FGGY: variants seen among roughly 807,000 people sequenced by gnomAD.
The protein encoded by FGGY is FGGY carbohydrate kinase domain containing, also known as FGGY carbohydrate kinase domain-containing protein.
A neutral mutation model predicts 71.3 loss-of-function variants in FGGY; 72 were observed. That is an observed-to-expected ratio of 1.01 (90% confidence interval 0.84 to 1.23). FGGY has a LOEUF of 1.23. FGGY is among the 50% of genes most tolerant of loss of function. The pLI, the probability that FGGY is intolerant of heterozygous loss-of-function variation, is 0.00. For synonymous variants in FGGY, 251 were observed against 250.3 expected, an observed-to-expected ratio of 1.00 and a Z score of -0.02; for missense variants, 668 against 682.3, an observed-to-expected ratio of 0.98 and a Z score of 0.23.
Position 59,638,349 on chromosome 1 carries a change from T to G in FGGY, c.1195T>G (p.Leu399Val), listed in dbSNP as rs1367893767. 1 of 1,614,242 alleles carries G rather than the reference T, an allele frequency of 6.2e-7. No individual in the cohort carries two copies. Among genetic ancestry groups the G allele is most frequent in the Admixed American group, 1.7e-5 (1 of 60,030 alleles). Residue 399 changes from leucine (L) to valine (V), a missense_variant, in exon 11 of 16, where the codon TTA becomes GTA. Transcript: ENST00000303721. Reference sequence around the variant, plus strand: ...AGATTTCCATGGCAACCGGTCTCCCTTAGCAGATCTGACACTAAAGGGCAT... The same window carrying G: ...AGATTTCCATGGCAACCGGTCTCCCGTAGCAGATCTGACACTAAAGGGCAT... ...WPDFHGNRSPLADLTLKGMVT... is the reference protein window; with the variant it reads ...WPDFHGNRSPVADLTLKGMVT...
intron 5 of FGGY, among the ~76,000 whole-genome samples, chr1:59,431,484 T>C (rs2067349965): frequency 6.6e-6 from 1 of 152,234 alleles, no homozygotes. Flanking sequence ...TACACTTCTG[T>C]ATTATTAGGC....
chr1:59,463,842 T>C (rs1475605757), intron 6 of FGGY, among the ~76,000 whole-genome samples: 2 of 152,124 alleles, frequency 1.3e-5, no homozygotes, highest in South Asian at 4.1e-4. Flanking sequence ...GTGCCCAATA[T>C]AGGAGCACCC....
chr1:59,726,962 T>A (rs1408010087), intron 14 of FGGY, among the ~76,000 whole-genome samples: 1 of 152,182 alleles, frequency 6.6e-6, no homozygotes. Flanking sequence ...TGTGTGATGC[T>A]AAGGTTTGGG....
intron 6 of FGGY, among the ~76,000 whole-genome samples, chr1:59,480,138 C>G (rs1219257074): frequency 6.6e-6 from 1 of 152,210 alleles, no homozygotes; most frequent in Non-Finnish European, 1.5e-5. Context: ...ATCCTGAACA[C>G]TGCAGCCAGC....
chr1:59,634,142 C>A (rs1278348730), intron 10 of FGGY, among the ~76,000 whole-genome samples: 2 of 152,174 alleles, frequency 1.3e-5, no homozygotes, highest in African/African-American at 4.8e-5. Context: ...TGCAGTGGCT[C>A]ACACCTATAA....
intron 5 of FGGY, among the ~76,000 whole-genome samples, chr1:59,414,073 GT>G (rs1327152322): frequency 2.0e-4 from 31 of 152,344 alleles, no homozygotes; most frequent in Admixed American, 1.9e-3. Flanking sequence ...ATTAAAATAT[GT>G]TGAATTCTTC....
chr1:59,491,065 T>TTCCCTCCCTCCCTC (rs2093835162), intron 6 of FGGY, among the ~76,000 whole-genome samples: 2 of 23,720 alleles, frequency 8.4e-5, no homozygotes, highest in African/African-American at 5.9e-4. Flanking sequence ...CTTCCTTCCT[T>TTCCCTCCCTCCCTC]CCTTCCTTCC....
chr1:59,752,361 C>T (rs1455993732), intron 14 of FGGY, among the ~76,000 whole-genome samples: 2 of 152,172 alleles, frequency 1.3e-5, no homozygotes, highest in African/African-American at 2.4e-5. Flanking sequence ...TCATATATAG[C>T]TTGTTTCCAC....
At chr1:59,433,694 G>T (rs186686395) in intron 5 of FGGY, among the ~76,000 whole-genome samples, 31 of 152,284 alleles carry the variant, frequency 2.0e-4, no homozygotes, top group African/African-American at 6.5e-4. Context: ...TGTCACTGGT[G>T]ACACATAGAG....
chr1:59,432,367 G>A (rs2067558954), intron 5 of FGGY, among the ~76,000 whole-genome samples: 1 of 152,230 alleles, frequency 6.6e-6, no homozygotes, highest in Admixed American at 6.5e-5. Context: ...GGAACCTCCA[G>A]TATGTAGCTG....
intron 4 of FGGY, among the ~76,000 whole-genome samples, chr1:59,371,387 G>C (rs549819365): frequency 1.3e-3 from 195 of 152,172 alleles, no homozygotes; most frequent in African/African-American, 4.5e-3. Flanking sequence ...CCCAATACAG[G>C]AACACCCAGA....
chr1:59,553,959 C>T (rs946950349), intron 7 of FGGY, 165 bp from the exon 8 acceptor site: 5 of 489,322 alleles, frequency 1.0e-5, no homozygotes, highest in Non-Finnish European at 1.8e-5. Context: ...CCTATGCAGG[C>T]AAGTATGCCC....
intron 8 of FGGY, among the ~76,000 whole-genome samples, chr1:59,560,531 G>C (rs2095771217): frequency 6.6e-6 from 1 of 152,168 alleles, no homozygotes. Flanking sequence ...AACTGGATGT[G>C]AGGTATATAT....
chr1:59,326,611 C>CT (rs1380742204), intron 2 of FGGY, among the ~76,000 whole-genome samples: 3 of 152,172 alleles, frequency 2.0e-5, no homozygotes, highest in African/African-American at 7.2e-5. Flanking sequence ...CCTATGCATT[C>CT]TCTCTATCTC....
At chr1:59,520,562 C>G (rs900850793) in intron 7 of FGGY, among the ~76,000 whole-genome samples, 1 of 152,074 alleles carries the variant, frequency 6.6e-6, no homozygotes, top group Non-Finnish European at 1.5e-5. Context: ...GTTTTTTCAC[C>G]AAATCATGTT....
intron 1 of FGGY, among the ~76,000 whole-genome samples, chr1:59,314,680 G>A (rs897184277): frequency 6.6e-6 from 1 of 152,188 alleles, no homozygotes; most frequent in Non-Finnish European, 1.5e-5. Flanking sequence ...GTGTTGTGGA[G>A]AAGAATTGTC....
At chr1:59,409,602 ATATAT>A (rs2063304748) in intron 5 of FGGY, among the ~76,000 whole-genome samples, 2 of 59,596 alleles carry the variant, frequency 3.4e-5, no homozygotes, top group African/African-American at 1.7e-4. Flanking sequence ...AGTTTTTTAT[ATATAT>A]ATATATATAT....
At chr1:59,507,722 G>C (rs1389954376) in intron 6 of FGGY, among the ~76,000 whole-genome samples, 2 of 115,288 alleles carry the variant, frequency 1.7e-5, no homozygotes, top group Non-Finnish European at 1.6e-5. Context: ...TTTTAGTAGA[G>C]ACGGGGTTTC....
intron 8 of FGGY, among the ~76,000 whole-genome samples, chr1:59,599,167 G>A (rs1334686026): frequency 2.6e-5 from 4 of 152,034 alleles, no homozygotes; most frequent in Admixed American, 6.6e-5. Flanking sequence ...GCAGTGGCAC[G>A]ATCTTGGCTT....
Sources: allele counts gnomAD v4.1 joint callset (sites outside exome capture counted in the v4.1 genomes callset), GRCh38; gene constraint gnomAD v4.1.1; transcripts MANE v1.5; gene names NCBI Gene and HGNC (gene_info 2026-07-23, HGNC 2026-07-21).